The following NUP153 variants were observed in gnomAD, a reference collection of about 807,000 sequenced individuals.
NUP153 encodes nuclear pore complex protein Nup153.
A neutral mutation model predicts 134.6 loss-of-function variants in NUP153; 27 were observed. The ratio of observed to expected loss-of-function variants is 0.20; its 90% CI spans 0.15 to 0.28. The LOEUF (loss-of-function observed/expected upper bound fraction) is 0.28. Ranked by LOEUF, NUP153 falls within the 10% of genes least tolerant of loss-of-function variation. The pLI, the probability that NUP153 is intolerant of heterozygous loss-of-function variation, is 1.00. For synonymous variants in NUP153, 640 were observed against 623.5 expected (o/e 1.03, Z -0.40); for missense variants, 1,821 against 1,731.3 (o/e 1.05, Z -0.92).
In NUP153 at chr6:17,661,729, G is replaced by C; in HGVS notation, c.1319C>G (p.Ser440Cys). ...CTTGCCACCTCCACCACCTACTCCA[G>C]AAGATAAACCATTGGCTGCAGGCAA... ...FSLPAANGLS[S>C]GVGGGGGKMR... The change falls in exon 11 of 22, where the codon TCT becomes TGT. Residue 440 changes from serine (S) to cysteine (C), a missense_variant. Coordinates refer to ENST00000262077, the MANE Select transcript of NUP153 (RefSeq NM_005124.4). 2 of 1,613,830 alleles carry C rather than the reference G, an allele frequency of 1.2e-6. No individual in the cohort carries two copies. The highest frequency in any genetic ancestry group is 1.7e-6 in the Non-Finnish European group (2 of 1,179,884).
At chr6:17,704,759 CTTTTT>C (rs368556628) in intron 1 of NUP153, among the ~76,000 whole-genome samples, 1 of 145,592 alleles carries the variant, frequency 6.9e-6, no homozygotes, top group African/African-American at 2.5e-5. Flanking sequence ...CAAATCTTTA[CTTTTT>C]TTTTTTTTCT....
chr6:17,667,992 T>C (rs943170321), intron 8 of NUP153, among the ~76,000 whole-genome samples: 8 of 151,122 alleles, frequency 5.3e-5, no homozygotes, highest in African/African-American at 1.5e-4. Flanking sequence ...CTACACACAA[T>C]AGATTTCACA....
intron 2 of NUP153, among the ~76,000 whole-genome samples, chr6:17,684,997 T>G (rs1768825813): frequency 6.6e-6 from 1 of 152,208 alleles, no homozygotes; most frequent in African/African-American, 2.4e-5. Flanking sequence ...TTTAAAAGTT[T>G]GAAATACTGC....
chr6:17,651,798 GA>G, intron 11 of NUP153: 1 of 562,560 alleles, frequency 1.8e-6, no homozygotes, highest in Non-Finnish European at 3.4e-6. Flanking sequence ...CAAAATCCAT[GA>G]AACAAAAATT....
In NUP153 at chr6:17,639,919, T is replaced by G. The variant is rs1765748550; in HGVS notation, c.1846+20A>C. The G allele has an allele frequency of 2.5e-6, 4 of 1,586,640 alleles. No homozygotes were observed. The highest frequency in any genetic ancestry group is 1.7e-4 in the Middle Eastern group (1 of 5,918). ...GATCATGAGTTTGTAATCAAAAGGC[T>G]TATCTTTTAATTATCTTACCAGGGC... is the stretch of plus-strand genomic sequence containing the variant. On this transcript the variant is annotated intron_variant, in intron 15 of 21. Transcript: ENST00000262077.
intron 2 of NUP153, among the ~76,000 whole-genome samples, chr6:17,684,624 A>G (rs990508292): frequency 6.6e-6 from 1 of 152,194 alleles, no homozygotes; most frequent in Non-Finnish European, 1.5e-5. Context: ...TTTCCTTTGC[A>G]TTCACAAGTT....
intron 14 of NUP153, among the ~76,000 whole-genome samples, chr6:17,641,145 G>T (rs1007654647): frequency 6.6e-6 from 1 of 152,138 alleles, no homozygotes; most frequent in African/African-American, 2.4e-5. Flanking sequence ...TCTATTTACA[G>T]ATAAAACTAA....
intron 1 of NUP153, among the ~76,000 whole-genome samples, chr6:17,690,034 A>G (rs993381940): frequency 6.6e-6 from 1 of 152,170 alleles, no homozygotes; most frequent in Non-Finnish European, 1.5e-5. Flanking sequence ...CCCAAAGTAG[A>G]AACACAACTA....
Position 17,669,021 on chromosome 6 carries a change from T to C in NUP153, c.1022A>G (p.Asp341Gly), listed in dbSNP as rs1440231983. 2 of 1,307,752 alleles carry C rather than the reference T, an allele frequency of 1.5e-6. No individual in the cohort carries two copies. Among genetic ancestry groups the C allele is most frequent in the East Asian group, 2.7e-5 (1 of 36,748 alleles). 81.0% of individuals were successfully genotyped at this position (1,307,752 alleles called of 1,614,324 possible). A position where few individuals can be genotyped will look rare whatever the true frequency, so the allele number is the denominator to read the frequency against. The part of the protein sequence containing the change: ...IVSSPLNSPL[D>G]RSGIDITDFQ... ...ATCTGTGATATCTATCCCACTCCTA[T>C]CAAGAGGCTGAAAAAAAAAAAAAAC... Residue 341 changes from aspartate to glycine, a missense_variant, in exon 8 of 22, where the codon GAT becomes GGT. Physicochemically the swap from Asp to Gly is moderately conservative, Grantham distance 94 (BLOSUM62 -1). Transcript: ENST00000262077.
rs908235922 is a variant in NUP153, at chr6:17,675,833, T to G, written c.335-63A>C. 4.0e-6 allele frequency: 6 copies of G among 1,513,096 alleles called. No individual in the cohort carries two copies. The highest frequency in any genetic ancestry group is 5.5e-6 in the Non-Finnish European group (6 of 1,090,846). The allele number at this position is 1,513,096 out of a possible 1,614,324, so 93.7% of individuals were successfully genotyped here. A position where few individuals can be genotyped will look rare whatever the true frequency, so the allele number is the denominator to read the frequency against. On this transcript the variant is annotated intron_variant, in intron 2 of 21. Transcript: ENST00000262077. The surrounding 1 kb of genome is among the most constrained non-coding windows in gnomAD (Gnocchi z 4.4). ...TAGAGCGATACACTACCACAAATGG[T>G]TTTTACTTTAAGAAAACACATTACA...
intron 1 of NUP153, among the ~76,000 whole-genome samples, chr6:17,701,660 CAAAAAAA>C (rs60645337): frequency 7.5e-6 from 1 of 133,294 alleles, no homozygotes; most frequent in African/African-American, 2.8e-5. Context: ...GACTCCATCT[CAAAAAAA>C]AAAAAAAAAT....
At chr6:17,644,771 C>T (rs776081148) in intron 14 of NUP153, among the ~76,000 whole-genome samples, 11 of 152,150 alleles carry the variant, frequency 7.2e-5, no homozygotes, top group Non-Finnish European at 1.5e-4. Flanking sequence ...TGGTGAAACA[C>T]CTCTCTACTA....
chr6:17,650,677 C>T (rs1342572057), intron 11 of NUP153, among the ~76,000 whole-genome samples: 1 of 138,406 alleles, frequency 7.2e-6, no homozygotes, highest in Non-Finnish European at 1.7e-5. Flanking sequence ...ACAAGTTCTT[C>T]ATGCTGAAAG....
intron 20 of NUP153, among the ~76,000 whole-genome samples, chr6:17,619,027 C>T (rs1764501263): frequency 6.6e-6 from 1 of 152,104 alleles, no homozygotes; most frequent in Non-Finnish European, 1.5e-5. Context: ...GCATGCTGCA[C>T]TCCCTACACA....
At chr6:17,685,547 T>C (rs1768872218) in intron 2 of NUP153, among the ~76,000 whole-genome samples, 1 of 98,924 alleles carries the variant, frequency 1.0e-5, no homozygotes, top group African/African-American at 3.7e-5. Context: ...AGACTCCGTC[T>C]CAAAAAAAAA....
chr6:17,678,899 T>C (rs1768401299), intron 2 of NUP153, among the ~76,000 whole-genome samples: 1 of 150,386 alleles, frequency 6.6e-6, no homozygotes, highest in African/African-American at 2.5e-5. Flanking sequence ...TGAGCTATGA[T>C]GGCACCACTG....
At chr6:17,665,418 T>G (rs746068517) in intron 8 of NUP153, 33 bp from the exon 9 acceptor site, 1 of 1,554,138 alleles carries the variant, frequency 6.4e-7, no homozygotes, top group Admixed American at 1.9e-5. Flanking sequence ...AAACATTTAT[T>G]TTCATATAAA....
At chr6:17,689,464 C>A (rs183931559) in intron 1 of NUP153, among the ~76,000 whole-genome samples, 1 of 151,702 alleles carries the variant, frequency 6.6e-6, no homozygotes, top group East Asian at 1.9e-4. Flanking sequence ...AATCTAAAAT[C>A]TTTTCTGATG....
At chr6:17,699,476 C>A (rs113730559) in intron 1 of NUP153, among the ~76,000 whole-genome samples, 409 of 121,802 alleles carry the variant, frequency 3.4e-3, no homozygotes, top group Admixed American at 8.7e-3. Flanking sequence ...GGGCGAGACT[C>A]GTCTCAAAAA....
Sources: allele counts gnomAD v4.1 joint callset (sites outside exome capture counted in the v4.1 genomes callset), GRCh38; gene constraint gnomAD v4.1.1; non-coding constraint Gnocchi (gnomAD v3.1); transcripts MANE v1.5; gene names NCBI Gene and HGNC (gene_info 2026-07-23, HGNC 2026-07-21).